Variants in TLE2 observed in about 807,000 individuals in gnomAD.
TLE2 encodes the protein TLE family member 2, transcriptional corepressor, also known as transducin-like enhancer protein 2.
In TLE2, 74 loss-of-function variants were observed where a neutral mutation model predicts 97.2. The ratio of observed to expected loss-of-function variants is 0.76; its 90% CI spans 0.63 to 0.92. The LOEUF (loss-of-function observed/expected upper bound fraction) is 0.92. Ranked by LOEUF, TLE2 falls within the 40% of genes least tolerant of loss-of-function variation. TLE2 has a pLI of 0.00. For missense variants in TLE2, 1,038 were observed against 1,008.7 expected (o/e 1.03, Z -0.39); for synonymous variants, 499 against 432.1 (o/e 1.15, Z -1.92).
intron 4 of TLE2, among the ~76,000 whole-genome samples, chr19:3,026,772 T>C (rs1361937985): frequency 6.6e-6 from 1 of 150,614 alleles, no homozygotes; most frequent in East Asian, 2.0e-4. Flanking sequence ...AGTACACAGA[T>C]AGGACAATCT....
intron 3 of TLE2, 84 bp downstream of exon 3, chr19:3,028,234 TG>T: frequency 7.3e-7 from 1 of 1,376,390 alleles, no homozygotes; most frequent in Non-Finnish European, 1.0e-6. Context: ...AGGTTCGGAG[TG>T]GGGCAGGGAC....
At chr19:3,014,967 C>T (rs546445150) in intron 9 of TLE2, among the ~76,000 whole-genome samples, 4 of 150,008 alleles carry the variant, frequency 2.7e-5, no homozygotes, top group South Asian at 4.2e-4. Context: ...ATAAAGACTC[C>T]GCCTTAATAA....
chr19:3,018,899 T>C (rs1393787340), intron 7 of TLE2, among the ~76,000 whole-genome samples: 1 of 152,026 alleles, frequency 6.6e-6, no homozygotes, highest in Non-Finnish European at 1.5e-5. Flanking sequence ...ATTACAGGCA[T>C]AAGCCACCAT....
upstream of TLE2, among the ~76,000 whole-genome samples, chr19:3,031,007 G>C (rs1233609299): frequency 6.6e-6 from 1 of 150,636 alleles, no homozygotes; most frequent in Non-Finnish European, 1.5e-5. Context: ...CCAGCCCACA[G>C]ATATTTACAG....
chr19:3,006,822 G>A lies in TLE2; in HGVS notation c.1251-153C>T, dbSNP rs557107178. Among the ~76,000 whole-genome samples, 7 of 151,890 alleles carry A rather than the reference G, an allele frequency of 4.6e-5. No individual in the cohort carries two copies. The East Asian group carries it at 1.4e-3, about 29-fold the overall frequency. ...TTTTGAGAGGGAGTCTCGCCGTGTCGCCCAGGCTGGAGTGCAGTGGCCCGA... is the reference window on the plus strand; with the variant it reads ...TTTTGAGAGGGAGTCTCGCCGTGTCACCCAGGCTGGAGTGCAGTGGCCCGA... On this transcript the variant is annotated intron_variant, in intron 14 of 19. Coordinates refer to ENST00000262953, the MANE Select transcript of TLE2 (RefSeq NM_003260.5).
chr19:3,031,290 G>C (rs1306855356), upstream of TLE2, among the ~76,000 whole-genome samples: 1 of 151,136 alleles, frequency 6.6e-6, no homozygotes, highest in South Asian at 2.1e-4. Context: ...CGATGAGGTT[G>C]GGCAGCTCTG....
intron 5 of TLE2, chr19:3,020,074 G>A: frequency 2.6e-6 from 1 of 388,982 alleles, no homozygotes; most frequent in African/African-American, 2.1e-5. Context: ...CCTGAGGCCA[G>A]GAGTTCGAGA....
At chr19:3,027,120 T>C (rs2089961202) in intron 4 of TLE2, among the ~76,000 whole-genome samples, 1 of 152,256 alleles carries the variant, frequency 6.6e-6, no homozygotes, top group Non-Finnish European at 1.5e-5. Context: ...CTGAGGTCTA[T>C]CTCTGAACCT....
Position 3,019,258 on chromosome 19 carries a change from A to G in TLE2, c.550+25T>C, listed in dbSNP as rs1166634829. 1 of 1,562,618 alleles carries G rather than the reference A, an allele frequency of 6.4e-7. No individual in the cohort carries two copies. The highest frequency in any genetic ancestry group is 8.6e-7 in the Non-Finnish European group (1 of 1,162,446). ...CTCCCCAGCCCCGTCTCCCCAGCCA[A>G]TGCCACCCCGTGCTGCCCACTCACC... is the stretch of plus-strand genomic sequence containing the variant. On this transcript the variant is annotated intron_variant, in intron 7 of 19. Transcript: ENST00000262953. The surrounding 1 kb of genome is among the most constrained non-coding windows in gnomAD (Gnocchi z 5.1).
intron 7 of TLE2, 95 bp from the exon 8 acceptor site, chr19:3,017,954 GC>G (rs1186884536): frequency 1.6e-5 from 19 of 1,167,104 alleles, no homozygotes; most frequent in Middle Eastern, 2.0e-4. Flanking sequence ...AGTTTATAAA[GC>G]CCCCCGCCCC....
chr19:3,005,871 G>T lies in TLE2; in HGVS notation c.1598C>A (p.Ala533Glu). 1.2e-6 allele frequency: 2 copies of T among 1,613,920 alleles called. No homozygotes were observed. Among genetic ancestry groups the T allele is most frequent in the Non-Finnish European group, 1.7e-6 (2 of 1,179,870 alleles). ...EASTLSIWDL[A>E]APTPRIKAEL... is the part of the protein sequence containing the mutation. ...GGCCTTGATACGGGGGGTGGGCGCC[G>T]CCAGGTCCCAAATGGACAAGGTGCT... The change falls in exon 16 of 20, where the codon GCG (alanine) becomes GAG (glutamate). Residue 533 changes from alanine (A) to glutamate (E), a missense_variant. Physicochemically the swap from Ala to Glu is moderately radical, Grantham distance 107. Transcript: ENST00000262953.
intron 14 of TLE2, among the ~76,000 whole-genome samples, chr19:3,007,144 G>A (rs895028343): frequency 6.6e-6 from 1 of 151,502 alleles, no homozygotes; most frequent in Admixed American, 6.6e-5. Flanking sequence ...CTGGAGGGCA[G>A]TAGCGTGATC....
At chr19:3,045,451 A>G (rs11667518) in intron 1 of TLE2, among the ~76,000 whole-genome samples, 12,428 of 152,198 alleles carry the variant, frequency 0.082, 593 homozygotes, top group African/African-American at 0.13. Flanking sequence ...TCTGCCTGGA[A>G]TCGGTCTTTC....
intron 19 of TLE2, 124 bp from the exon 20 acceptor site, chr19:2,998,079 T>C (rs2089256546): frequency 4.6e-6 from 3 of 657,086 alleles, no homozygotes; most frequent in Non-Finnish European, 8.1e-6. Context: ...GTGACGTGTT[T>C]CTTTTTTTGA....
intron 5 of TLE2, among the ~76,000 whole-genome samples, chr19:3,024,505 C>T (rs1478705179): frequency 1.3e-5 from 2 of 152,026 alleles, no homozygotes; most frequent in African/African-American, 4.8e-5. Context: ...CTCAGTGAAC[C>T]TGACGACCCT....
Position 3,005,707 on chromosome 19 carries a change from C to G in TLE2, c.1748+14G>C, listed in dbSNP as rs1268231728. 6.2e-7 allele frequency: 1 copy of G among 1,610,952 alleles called. No homozygotes were observed. ...CGGGGGCTTGCCCAAGGTCCCAGCGCACCTGCCACCCACCTGACCATAGTC... is the reference window on the plus strand; with the variant it reads ...CGGGGGCTTGCCCAAGGTCCCAGCGGACCTGCCACCCACCTGACCATAGTC... On this transcript the variant is annotated intron_variant, in intron 16 of 19. Coordinates refer to ENST00000262953, the MANE Select transcript of TLE2 (RefSeq NM_003260.5).
chr19:3,006,022 A>G, intron 15 of TLE2, 54 bp from the exon 16 acceptor site: 12 of 1,598,684 alleles, frequency 7.5e-6, no homozygotes, highest in Non-Finnish European at 9.4e-6. Flanking sequence ...TGAGGTCTCT[A>G]GGAGCCTAGC....
intron 19 of TLE2, among the ~76,000 whole-genome samples, chr19:2,999,554 C>T (rs538573282): frequency 3.8e-4 from 57 of 151,566 alleles, no homozygotes; most frequent in African/African-American, 1.2e-3. Context: ...GGTGAAACCC[C>T]GTCTCTACTA....
At chr19:3,028,560 C>T (rs1227245359) in intron 2 of TLE2, 146 bp downstream of exon 2, 90 of 1,054,862 alleles carry the variant, frequency 8.5e-5, no homozygotes, top group Non-Finnish European at 2.2e-5. Flanking sequence ...TCCCCAGACC[C>T]CTCTGCACCT....
Sources: gnomAD v4.1 joint callset for allele counts (sites outside exome capture counted in the v4.1 genomes callset) on GRCh38, gnomAD v4.1.1 for gene constraint, Gnocchi (gnomAD v3.1) non-coding constraint, MANE v1.5 for transcripts, NCBI Gene and HGNC (gene_info 2026-07-23, HGNC 2026-07-21) for gene names.